The following DCC variants were observed in gnomAD, a reference collection of about 807,000 sequenced individuals.
DCC encodes the protein netrin receptor DCC.
DCC carries 58 observed loss-of-function variants against 172.5 expected under a neutral mutation model. The ratio of observed to expected loss-of-function variants is 0.34; its 90% CI spans 0.27 to 0.42. The LOEUF (loss-of-function observed/expected upper bound fraction) is 0.42, where lower values mean the gene tolerates loss of function less well. Among genes scored for constraint, DCC ranks in the 10% least tolerant of loss-of-function variants. The pLI is 1.00. For synonymous variants in DCC, 709 were observed against 644.5 expected, an observed-to-expected ratio of 1.10 and a Z score of -1.52; for missense variants, 1,740 against 1,791.0, an observed-to-expected ratio of 0.97 and a Z score of 0.51.
chr18:53,413,852 G>A (rs1910138560), intron 20 of DCC, among the ~76,000 whole-genome samples: 1 of 152,158 alleles, frequency 6.6e-6, no homozygotes, highest in Admixed American at 6.5e-5. Flanking sequence ...TTATGACCTT[G>A]ACATATCTTG....
At chr18:52,938,456 A>C (rs773289751) in intron 5 of DCC, among the ~76,000 whole-genome samples, 9 of 152,118 alleles carry the variant, frequency 5.9e-5, no homozygotes, top group African/African-American at 2.2e-4. Flanking sequence ...CTAGAAATAT[A>C]CACTATTATT....
chr18:53,033,285 C>G (rs1301755834), intron 5 of DCC, among the ~76,000 whole-genome samples: 1 of 152,106 alleles, frequency 6.6e-6, no homozygotes, highest in Non-Finnish European at 1.5e-5. Context: ...CAAGACCTTG[C>G]TGGCTGGTCT....
intron 1 of DCC, among the ~76,000 whole-genome samples, chr18:52,675,982 T>A (rs1402576552): frequency 3.3e-5 from 5 of 152,262 alleles, no homozygotes; most frequent in African/African-American, 1.2e-4. Context: ...GTTAGTTTAA[T>A]TATCTGTAAA....
At chr18:52,870,391 C>T (rs1393950265) in intron 2 of DCC, among the ~76,000 whole-genome samples, 2 of 152,170 alleles carry the variant, frequency 1.3e-5, no homozygotes, top group African/African-American at 2.4e-5. Context: ...GCAGCTGGAG[C>T]GATGGCAGCC....
At chr18:53,241,024 C>T (rs1170104179) in intron 12 of DCC, among the ~76,000 whole-genome samples, 1 of 152,246 alleles carries the variant, frequency 6.6e-6, no homozygotes, top group Admixed American at 6.5e-5. Flanking sequence ...AGCAATATTA[C>T]TTACCTTCTT....
intron 2 of DCC, among the ~76,000 whole-genome samples, chr18:52,806,126 G>A (rs2145237104): frequency 6.6e-6 from 1 of 152,220 alleles, no homozygotes; most frequent in East Asian, 1.9e-4. Flanking sequence ...TCAGAAGCTT[G>A]CTGTGATGGA....
At chr18:53,343,501 C>T (rs1237961185) in intron 15 of DCC, among the ~76,000 whole-genome samples, 2 of 151,378 alleles carry the variant, frequency 1.3e-5, no homozygotes, top group African/African-American at 2.4e-5. Flanking sequence ...CTATATAAAT[C>T]CTGTGTGGCC....
At chr18:52,965,359 G>A (rs944227091) in intron 5 of DCC, among the ~76,000 whole-genome samples, 1 of 151,986 alleles carries the variant, frequency 6.6e-6, no homozygotes, top group Admixed American at 6.6e-5. Flanking sequence ...TTCTTAAAAG[G>A]AAAACTACCA....
chr18:52,806,634 G>T (rs749454892), intron 2 of DCC, among the ~76,000 whole-genome samples: 6 of 152,174 alleles, frequency 3.9e-5, no homozygotes, highest in African/African-American at 4.8e-5. Context: ...GAAAGGAGAG[G>T]AATATTTGTC....
At chr18:52,734,927 T>A in intron 1 of DCC, among the ~76,000 whole-genome samples, 1 of 152,140 alleles carries the variant, frequency 6.6e-6, no homozygotes, top group East Asian at 1.9e-4. Context: ...ATTTTCTGGG[T>A]GACATAAATG....
chr18:53,103,924 G>A (rs1238619470), intron 7 of DCC, among the ~76,000 whole-genome samples: 1 of 152,012 alleles, frequency 6.6e-6, no homozygotes, highest in African/African-American at 2.4e-5. Context: ...GGACTAGGGA[G>A]AGGTGAGTGA....
chr18:52,979,913 A>T (rs1250191229), intron 5 of DCC, among the ~76,000 whole-genome samples: 1 of 152,204 alleles, frequency 6.6e-6, no homozygotes, highest in Non-Finnish European at 1.5e-5. Flanking sequence ...GTGGTTGCAA[A>T]GGGCAACTTC....
At chr18:52,664,437 A>G (rs985051894) in intron 1 of DCC, among the ~76,000 whole-genome samples, 10 of 150,210 alleles carry the variant, frequency 6.7e-5, no homozygotes, top group Admixed American at 6.6e-4. Flanking sequence ...AAATCAGTTC[A>G]GTGGCCCCAA....
At chr18:52,974,900 C>A (rs948416313) in intron 5 of DCC, among the ~76,000 whole-genome samples, 9 of 152,206 alleles carry the variant, frequency 5.9e-5, no homozygotes, top group Admixed American at 5.9e-4. Context: ...AGGTCACATA[C>A]AAAACACTCC....
Position 52,450,324 on chromosome 18 carries a change from G to C in DCC, c.91+109446G>C, listed in dbSNP as rs181787754. Among the ~76,000 whole-genome samples, 47 of 152,168 alleles carry C rather than the reference G, an allele frequency of 3.1e-4. 1 individual carries two copies. Among genetic ancestry groups the C allele is most frequent in the Admixed American group, 2.7e-3 (42 of 15,284 alleles). Reference sequence around the variant, plus strand: ...CTTTCATTAATAATTTAGTTGGGTGGCTCCTTGATTCATACCTTTCCAGTT... The same window carrying C: ...CTTTCATTAATAATTTAGTTGGGTGCCTCCTTGATTCATACCTTTCCAGTT... On this transcript the variant is annotated intron_variant, in intron 1 of 28. Coordinates refer to ENST00000442544, the MANE Select transcript of DCC (RefSeq NM_005215.4).
intron 2 of DCC, among the ~76,000 whole-genome samples, chr18:52,765,555 G>A (rs1212464663): frequency 6.6e-6 from 1 of 152,092 alleles, no homozygotes; most frequent in Non-Finnish European, 1.5e-5. Flanking sequence ...ACTAGGAGAG[G>A]CTCCATCTTC....
chr18:53,096,838 T>C (rs2043094767), intron 7 of DCC, among the ~76,000 whole-genome samples: 1 of 152,188 alleles, frequency 6.6e-6, no homozygotes, highest in African/African-American at 2.4e-5. Flanking sequence ...AGCATTACCA[T>C]AATTACTATG....
At chr18:53,241,605 A>G (rs1329473728) in intron 12 of DCC, among the ~76,000 whole-genome samples, 8 of 152,150 alleles carry the variant, frequency 5.3e-5, no homozygotes, top group Non-Finnish European at 1.0e-4. Context: ...CTTCCGCCAT[A>G]AAGAGAACCA....
chr18:53,097,143 T>G (rs1211583281), intron 7 of DCC, among the ~76,000 whole-genome samples: 2 of 152,224 alleles, frequency 1.3e-5, no homozygotes, highest in East Asian at 3.9e-4. Context: ...CTTAATACAT[T>G]TAATTTTCTA....
Sources: gnomAD v4.1 joint callset for allele counts (sites outside exome capture counted in the v4.1 genomes callset) on GRCh38, gnomAD v4.1.1 for gene constraint, MANE v1.5 for transcripts, NCBI Gene and HGNC (gene_info 2026-07-23, HGNC 2026-07-21) for gene names.